SSBP2: variants seen among roughly 807,000 people sequenced by gnomAD.
SSBP2 encodes the protein single stranded DNA binding protein 2, also known as single-stranded DNA-binding protein 2.
In SSBP2, 17 loss-of-function variants were observed where a neutral mutation model predicts 61.8. The observed-to-expected ratio is 0.28, with a 90% confidence interval of 0.19 to 0.41. The LOEUF (loss-of-function observed/expected upper bound fraction) is 0.41. Among genes scored for constraint, SSBP2 ranks in the 10% least tolerant of loss-of-function variants. SSBP2 has a pLI of 1.00. For missense variants in SSBP2, 310 were observed against 458.7 expected (o/e 0.68, Z 2.96); for synonymous variants, 139 against 141.3 (o/e 0.98, Z 0.12).
chr5:81,638,376 A>G (rs1001926095), intron 2 of SSBP2, among the ~76,000 whole-genome samples: 1 of 151,896 alleles, frequency 6.6e-6, no homozygotes, highest in East Asian at 1.9e-4. Context: ...AAAAAATAAA[A>G]AGAGTAATTG....
chr5:81,733,877 C>A lies in SSBP2; in HGVS notation c.62+17104G>T, dbSNP rs547280874. Among the ~76,000 whole-genome samples the A allele has an allele frequency of 2.0e-5, 3 of 152,222 alleles. 1 individual carries two copies. In the South Asian group the frequency reaches 6.2e-4, roughly 32 times the overall value. ...GAACTTATTTCAAATAGTTAAATGT[C>A]CATGCATTTAAAGATACAAAACTAT... On this transcript the variant is annotated intron_variant, in intron 1 of 16. Transcript: ENST00000320672.
chr5:81,623,700 T>C (rs1746858705), intron 3 of SSBP2, among the ~76,000 whole-genome samples: 1 of 152,152 alleles, frequency 6.6e-6, no homozygotes, highest in South Asian at 2.1e-4. Flanking sequence ...ATTGATTTAT[T>C]GTTGGCGTAT....
chr5:81,584,430 T>C (rs1774914215), intron 4 of SSBP2, among the ~76,000 whole-genome samples: 2 of 152,204 alleles, frequency 1.3e-5, no homozygotes, highest in Non-Finnish European at 1.5e-5. Flanking sequence ...AAATAATTTA[T>C]AAAGCTTTGC....
chr5:81,449,330 G>A (rs74790799), intron 10 of SSBP2, among the ~76,000 whole-genome samples: 2,345 of 152,266 alleles, frequency 0.015, 63 homozygotes, highest in African/African-American at 0.053. Flanking sequence ...CTAGAGATTA[G>A]AAGGTATTAA....
At position 81,447,383 on chromosome 5, in the gene SSBP2, T is replaced by C. The variant is rs544814082; in HGVS notation, c.724-461A>G. On this transcript the variant is annotated intron_variant, in intron 11 of 16. Transcript: ENST00000320672. ...CATTTCTTTCTTCTGTCAGCATCAA[T>C]TGCAACGTTTCTGGAGCACTGTACC... 5.9e-5 allele frequency among the ~76,000 whole-genome samples: 9 copies of C among 152,354 alleles called. No homozygotes were observed. In the South Asian group the frequency reaches 1.9e-3, roughly 32 times the overall value.
rs1294701291 is a variant in SSBP2, at chr5:81,576,456, A to C, written c.282+39017T>G. Among the ~76,000 whole-genome samples the C allele has an allele frequency of 2.0e-5, 3 of 152,030 alleles. No homozygotes were observed. The East Asian group carries it at 5.8e-4, about 29-fold the overall frequency. On this transcript the variant is annotated intron_variant, in intron 4 of 16. Transcript: ENST00000320672. ...TGGTGTAAGTATCATTATTATCCTT[A>C]TTTTATCAGTGGAGAAACCAAAGCA...
At chr5:81,692,103 G>A (rs904583117) in intron 1 of SSBP2, among the ~76,000 whole-genome samples, 5 of 152,110 alleles carry the variant, frequency 3.3e-5, no homozygotes, top group African/African-American at 1.2e-4. Context: ...CTTATATTTG[G>A]TAAAACCCAA....
At chr5:81,517,273 A>C (rs974620652) in intron 4 of SSBP2, among the ~76,000 whole-genome samples, 2 of 151,328 alleles carry the variant, frequency 1.3e-5, no homozygotes, top group African/African-American at 4.8e-5. Flanking sequence ...TGTTTCTTCT[A>C]ACAGATCAAT....
chr5:81,725,152 GAA>G (rs759831378), intron 1 of SSBP2, among the ~76,000 whole-genome samples: 2 of 152,118 alleles, frequency 1.3e-5, no homozygotes, highest in African/African-American at 2.4e-5. Flanking sequence ...TGACATTTAA[GAA>G]GAGATCTGAA....
chr5:81,483,500 T>C (rs1349697458), intron 6 of SSBP2, among the ~76,000 whole-genome samples: 1 of 152,086 alleles, frequency 6.6e-6, no homozygotes, highest in African/African-American at 2.4e-5. Context: ...TATAATTAAA[T>C]ATCAGAACTA....
At chr5:81,566,609 G>T (rs1205440169) in intron 4 of SSBP2, among the ~76,000 whole-genome samples, 1 of 152,104 alleles carries the variant, frequency 6.6e-6, no homozygotes, top group African/African-American at 2.4e-5. Flanking sequence ...TACAGTAACT[G>T]GTACCAGTAG....
At chr5:81,749,035 A>G (rs997022816) in intron 1 of SSBP2, among the ~76,000 whole-genome samples, 1 of 152,216 alleles carries the variant, frequency 6.6e-6, no homozygotes, top group African/African-American at 2.4e-5. Flanking sequence ...ATCATGCCTC[A>G]ATACATTTCA....
chr5:81,710,093 A>G (rs1754667900), intron 1 of SSBP2, among the ~76,000 whole-genome samples: 1 of 152,072 alleles, frequency 6.6e-6, no homozygotes, highest in South Asian at 2.1e-4. Context: ...AAAAACCAAG[A>G]GAGTGAACTC....
chr5:81,543,453 G>A (rs767931055), intron 4 of SSBP2, among the ~76,000 whole-genome samples: 5 of 152,046 alleles, frequency 3.3e-5, no homozygotes, highest in Non-Finnish European at 5.9e-5. Context: ...GCTAAACAAT[G>A]GGTACTCATG....
chr5:81,443,589 G>A (rs1763175297), intron 12 of SSBP2, among the ~76,000 whole-genome samples: 1 of 152,092 alleles, frequency 6.6e-6, no homozygotes, highest in Non-Finnish European at 1.5e-5. Flanking sequence ...TTTAGACAGA[G>A]TCTTGCTCTA....
rs1054546748 is a variant in SSBP2, at chr5:81,470,199, A to G, written c.571-3158T>C. 1.3e-4 allele frequency among the ~76,000 whole-genome samples: 19 copies of G among 151,964 alleles called. 1 individual carries two copies. Among genetic ancestry groups the G allele is most frequent in the Non-Finnish European group, 7.4e-5 (5 of 67,874 alleles). ...TCAGATTTCTAGAGAAGCTAAAACT[A>G]GTTGGGTAGTTTTGGTTAATCACGT... On this transcript the variant is annotated intron_variant, in intron 8 of 16. Coordinates refer to ENST00000320672, the MANE Select transcript of SSBP2 (RefSeq NM_012446.5).
chr5:81,732,396 C>T (rs1040607728), intron 1 of SSBP2, among the ~76,000 whole-genome samples: 1 of 152,002 alleles, frequency 6.6e-6, no homozygotes, highest in African/African-American at 2.4e-5. Flanking sequence ...TAATGCACTC[C>T]GTAAATTTAC....
chr5:81,622,924 A>G (rs1388793014), intron 3 of SSBP2, among the ~76,000 whole-genome samples: 3 of 152,234 alleles, frequency 2.0e-5, no homozygotes, highest in African/African-American at 2.4e-5. Context: ...CTCAATTTCT[A>G]TAATAAGCAG....
intron 1 of SSBP2, among the ~76,000 whole-genome samples, chr5:81,729,419 A>G (rs1176987304): frequency 6.6e-6 from 1 of 152,234 alleles, no homozygotes; most frequent in East Asian, 1.9e-4. Flanking sequence ...GGATATACAC[A>G]CAGCAAAATG....
Sources: gnomAD v4.1 joint callset for allele counts (sites outside exome capture counted in the v4.1 genomes callset) on GRCh38, gnomAD v4.1.1 for gene constraint, MANE v1.5 for transcripts, NCBI Gene and HGNC (gene_info 2026-07-23, HGNC 2026-07-21) for gene names.